Variants in KANK1 observed in about 807,000 individuals in gnomAD.
KANK1 encodes the protein KN motif and ankyrin repeat domains 1.
Under a neutral mutation model 106.2 loss-of-function variants are expected in KANK1, and 109 were observed. The ratio of observed to expected loss-of-function variants is 1.03; its 90% confidence interval spans 0.88 to 1.20. The LOEUF (loss-of-function observed/expected upper bound fraction) is 1.20, where lower values mean the gene tolerates loss of function less well. Among genes scored for constraint, KANK1 ranks in the 50% most tolerant of loss-of-function variants. The pLI, the probability that KANK1 is intolerant of heterozygous loss-of-function variation, is 0.00. For missense variants in KANK1, 2,399 were observed against 1,710.7 expected (o/e 1.40, Z -7.10); for synonymous variants, 873 against 652.2 (o/e 1.34, Z -5.16).
intron 3 of KANK1, among the ~76,000 whole-genome samples, chr9:481,635 A>G (rs774109533): frequency 4.6e-5 from 7 of 152,180 alleles, no homozygotes; most frequent in Admixed American, 1.3e-4. Flanking sequence ...ATTAGGAAGC[A>G]TTTCTAACTT....
intron 1 of KANK1, among the ~76,000 whole-genome samples, chr9:643,083 C>G (rs1371815457): frequency 6.6e-6 from 1 of 150,712 alleles, no homozygotes; most frequent in Admixed American, 6.6e-5. Flanking sequence ...TTTTCAGATT[C>G]TGGTCAGATC....
chr9:592,563 G>C (rs10975311), intron 1 of KANK1, among the ~76,000 whole-genome samples: 53,683 of 151,440 alleles, frequency 0.35, 10,751 homozygotes, highest in African/African-American at 0.52. Flanking sequence ...CTGCCGGTCA[G>C]ACCTGGCAAG....
rs980647598 is a variant in KANK1, at chr9:707,264, C to T, written c.38-3540C>T. 5.4e-5 allele frequency: 53 copies of T among 979,762 alleles called. No individual in the cohort carries two copies. In the African/African-American group the frequency reaches 7.3e-4, roughly 14 times the overall value. The allele number at this position is 979,762 out of a possible 1,614,324, so 60.7% of individuals were successfully genotyped here. On this transcript the variant is annotated intron_variant, in intron 2 of 11. Transcript: ENST00000382297. ...CGCCACGTGGTAGGTGAGCTGCGAGCGGCGTGGGGCGGCCACCGCTGGCCG... is the reference window on the plus strand; with the variant it reads ...CGCCACGTGGTAGGTGAGCTGCGAGTGGCGTGGGGCGGCCACCGCTGGCCG...
intron 2 of KANK1, among the ~76,000 whole-genome samples, chr9:688,427 G>A (rs1819053181): frequency 6.6e-6 from 1 of 152,148 alleles, no homozygotes; most frequent in Non-Finnish European, 1.5e-5. Context: ...CCAACGGGGT[G>A]AAACCCCGTC....
chr9:706,552 AATT>A (rs1403797091), intron 2 of KANK1, among the ~76,000 whole-genome samples: 1 of 142,360 alleles, frequency 7.0e-6, no homozygotes, highest in East Asian at 1.9e-4. Flanking sequence ...ACGTTCTTTA[AATT>A]ATCTGTATGT....
intron 2 of KANK1, chr9:684,318 C>G: frequency 1.0e-6 from 1 of 985,366 alleles, no homozygotes; most frequent in Non-Finnish European, 1.2e-6. Context: ...AAAATCTGTG[C>G]TCCTGCTCCT....
At chr9:635,185 C>A (rs1427607280) in intron 1 of KANK1, among the ~76,000 whole-genome samples, 1 of 152,152 alleles carries the variant, frequency 6.6e-6, no homozygotes, top group Admixed American at 6.5e-5. Context: ...CCTCTTCCAT[C>A]CTGACCTCAT....
intron 1 of KANK1, among the ~76,000 whole-genome samples, chr9:563,863 G>C (rs1817124591): frequency 1.3e-5 from 2 of 152,240 alleles, no homozygotes; most frequent in African/African-American, 4.8e-5. Flanking sequence ...ACCTAGACTA[G>C]CACAGGGCAC....
At chr9:584,886 T>G (rs1216403683) in intron 1 of KANK1, among the ~76,000 whole-genome samples, 1 of 152,240 alleles carries the variant, frequency 6.6e-6, no homozygotes, top group Non-Finnish European at 1.5e-5. Context: ...CCAAAGTTCT[T>G]GGCAGGAAGT....
chr9:610,135 C>A (rs935381280), intron 1 of KANK1, among the ~76,000 whole-genome samples: 1 of 152,120 alleles, frequency 6.6e-6, no homozygotes, highest in African/African-American at 2.4e-5. Flanking sequence ...GTGAAATCTT[C>A]AGGCCATAAT....
intron 1 of KANK1, among the ~76,000 whole-genome samples, chr9:639,299 G>C (rs910288763): frequency 1.3e-5 from 2 of 151,978 alleles, no homozygotes; most frequent in Admixed American, 6.6e-5. Flanking sequence ...ATGGAGATTT[G>C]ATCTTTGATT....
At chr9:605,774 C>G (rs1158479463) in intron 1 of KANK1, among the ~76,000 whole-genome samples, 3 of 151,694 alleles carry the variant, frequency 2.0e-5, no homozygotes, top group East Asian at 1.9e-4. Context: ...GTGGCCCGCT[C>G]TCCCTCAGTG....
At chr9:614,537 C>G (rs545185213) in intron 1 of KANK1, among the ~76,000 whole-genome samples, 1 of 152,140 alleles carries the variant, frequency 6.6e-6, no homozygotes, top group East Asian at 1.9e-4. Context: ...AGTTGTGCTG[C>G]TGGTGTTATG....
intron 1 of KANK1, among the ~76,000 whole-genome samples, chr9:571,600 A>AG (rs1175819410): frequency 1.3e-5 from 2 of 152,176 alleles, no homozygotes; most frequent in Non-Finnish European, 2.9e-5. Flanking sequence ...TTTTTTAAAA[A>AG]GAAAAACGTG....
At chr9:640,523 G>A (rs929115203) in intron 1 of KANK1, among the ~76,000 whole-genome samples, 9 of 151,836 alleles carry the variant, frequency 5.9e-5, no homozygotes, top group Admixed American at 3.3e-4. Context: ...TCAGCCTCCT[G>A]AGTAGCTGGG....
Position 710,825 on chromosome 9 carries a change from G to A in KANK1, c.59G>A (p.Ser20Asn), listed in dbSNP as rs1306959059. The change falls in exon 3 of 12, where the codon AGT becomes AAT. Residue 20 changes from serine (S) to asparagine (N), a missense_variant. Physicochemically the swap from Ser to Asn is conservative, Grantham distance 46 (BLOSUM62 1). Transcript: ENST00000382297. ...CTAGGAAAAGCAGGTGATATTCTCA[G>A]TGGAGACCAGGACAAGGAACAGAAA... is the stretch of plus-strand genomic sequence containing the variant. ...SASGKAGDIL[S>N]GDQDKEQKDP... 1 of 1,602,474 alleles carries A rather than the reference G, an allele frequency of 6.2e-7. No individual in the cohort carries two copies. Among genetic ancestry groups the A allele is most frequent in the African/African-American group, 1.3e-5 (1 of 74,202 alleles).
chr9:575,183 A>T (rs962529469), intron 1 of KANK1, among the ~76,000 whole-genome samples: 2 of 152,240 alleles, frequency 1.3e-5, no homozygotes, highest in African/African-American at 2.4e-5. Context: ...AGCAGCTGAT[A>T]CTTGGTAATG....
At chr9:611,770 G>C (rs527357147) in intron 1 of KANK1, among the ~76,000 whole-genome samples, 1 of 152,244 alleles carries the variant, frequency 6.6e-6, no homozygotes, top group Non-Finnish European at 1.5e-5. Flanking sequence ...CCAGGCTGGA[G>C]TGCAGCGGTG....
chr9:508,552 A>G lies in KANK1; in HGVS notation c.-84+3798A>G, dbSNP rs78838436. Among the ~76,000 whole-genome samples the G allele has an allele frequency of 2.8e-3, 411 of 146,456 alleles. 39 individuals carry two copies. Among genetic ancestry groups the G allele is most frequent in the African/African-American group, 0.011 (409 of 36,012 alleles). ...TTGCCAGCATTGCAGAAGTGCCCCT[A>G]TACTCTTGTCCAATCACTGCCCCTC... is the stretch of plus-strand genomic sequence containing the variant. On this transcript the variant is annotated intron_variant, in intron 1 of 11. Coordinates refer to ENST00000382297, the MANE Select transcript of KANK1 (RefSeq NM_015158.5).
Sources: gnomAD v4.1 joint callset for allele counts (sites outside exome capture counted in the v4.1 genomes callset) on GRCh38, gnomAD v4.1.1 for gene constraint, MANE v1.5 for transcripts, NCBI Gene and HGNC (gene_info 2026-07-23, HGNC 2026-07-21) for gene names.